Variants in PCDHGA10 observed in about 807,000 individuals in gnomAD.
The protein encoded by PCDHGA10 is protocadherin gamma subfamily A, 10, also known as protocadherin gamma-A10.
Under a neutral mutation model 59.5 loss-of-function variants are expected in PCDHGA10, and 42 were observed. That is an observed-to-expected ratio of 0.71 (90% CI 0.55 to 0.91). The LOEUF (loss-of-function observed/expected upper bound fraction) is 0.91, where lower values mean the gene tolerates loss of function less well. Among genes scored for constraint, PCDHGA10 ranks in the 40% least tolerant of loss-of-function variants. The pLI is 0.00. For synonymous variants in PCDHGA10, 511 were observed against 517.2 expected, an observed-to-expected ratio of 0.99 and a Z score of 0.16; for missense variants, 1,111 against 1,198.2, an observed-to-expected ratio of 0.93 and a Z score of 1.07.
At chr5:141,426,538 C>T (rs1038881219) in intron 1 of PCDHGA10, 2 of 346,308 alleles carry the variant, frequency 5.8e-6, no homozygotes, top group Non-Finnish European at 1.2e-5. Context: ...TGGGAACATA[C>T]TTGTGAGTGA....
chr5:141,415,392 G>T lies in PCDHGA10; in HGVS notation c.2217G>T (p.Val739=). ...LQASGGGLTG[V]SGSHFVGVDG... ...CTTCAGGAGGCGGCTTGACAGGTGTGTCCGGCTCGCACTTTGTGGGCGTGG... is the reference window on the plus strand; with the variant it reads ...CTTCAGGAGGCGGCTTGACAGGTGTTTCCGGCTCGCACTTTGTGGGCGTGG... The change falls in exon 1 of 4, where the codon GTG becomes GTT. Residue 739 remains valine, a synonymous_variant. Coordinates refer to ENST00000398610, the MANE Select transcript of PCDHGA10 (RefSeq NM_018913.3). 1 of 1,614,238 alleles carries T rather than the reference G, an allele frequency of 6.2e-7. No homozygotes were observed. The highest frequency in any genetic ancestry group is 8.5e-7 in the Non-Finnish European group (1 of 1,180,052).
In PCDHGA10 at chr5:141,415,309, G is replaced by C. The variant is rs199689792; in HGVS notation, c.2134G>C (p.Val712Leu). 3.4e-5 allele frequency: 55 copies of C among 1,614,098 alleles called. No homozygotes were observed. Among genetic ancestry groups the C allele is most frequent in the Middle Eastern group, 1.6e-4 (1 of 6,084 alleles). Residue 712 changes from valine to leucine, a missense_variant, in exon 1 of 4, where the codon GTC (valine) becomes CTC (leucine). Transcript: ENST00000398610. ...AAVSCVFLAF[V>L]IVLLAHRLRR... ...GGTCTCCTGCGTCTTCCTGGCCTTC[G>C]TCATCGTGCTGCTGGCGCACAGGCT...
chr5:141,476,179 T>C lies in PCDHGA10; in HGVS notation c.2437-18628T>C, dbSNP rs1283155400. 26 of 1,613,476 alleles carry C rather than the reference T, an allele frequency of 1.6e-5. No homozygotes were observed. The highest frequency in any genetic ancestry group is 2.0e-5 in the Non-Finnish European group (24 of 1,179,998). On this transcript the variant is annotated intron_variant, in intron 1 of 3. Transcript: ENST00000398610. This position sits in a 1 kb window ranked among gnomAD's most constrained non-coding sequence, Gnocchi z 7.6. Reference sequence around the variant, plus strand: ...CCGGGAGGGTAGTGGGAGTTTTGCTTCTGCTTGGTGCCTTGAACAAGGCTT... The same window carrying C: ...CCGGGAGGGTAGTGGGAGTTTTGCTCCTGCTTGGTGCCTTGAACAAGGCTT...
rs1434955829 is a variant in PCDHGA10, at chr5:141,431,361, A to G, written c.2436+15750A>G. 3 of 1,614,002 alleles carry G rather than the reference A, an allele frequency of 1.9e-6. No homozygotes were observed. The highest frequency in any genetic ancestry group is 2.5e-6 in the Non-Finnish European group (3 of 1,180,034). On this transcript the variant is annotated intron_variant, in intron 1 of 3. Transcript: ENST00000398610. The surrounding 1 kb of genome is among the most constrained non-coding windows in gnomAD (Gnocchi z 4.8). ...GAATTGGTGCTGAAACGCGCCCTGG[A>G]CCGCGAAGAAAAGGCTGCTCACCAC...
chr5:141,459,311 T>A (rs1298312167), intron 1 of PCDHGA10, among the ~76,000 whole-genome samples: 1 of 152,250 alleles, frequency 6.6e-6, no homozygotes, highest in Non-Finnish European at 1.5e-5. Flanking sequence ...TATACTATTT[T>A]GTATCCATCT....
chr5:141,500,184 T>TTTTA (rs58019021), intron 2 of PCDHGA10, among the ~76,000 whole-genome samples: 28,743 of 135,782 alleles, frequency 0.21, 3,285 homozygotes, highest in African/African-American at 0.3. Context: ...TCATTTTTAT[T>TTTTA]TTTATTTATT....
chr5:141,433,162 A>G, intron 1 of PCDHGA10: 1 of 1,613,890 alleles, frequency 6.2e-7, no homozygotes, highest in Non-Finnish European at 8.5e-7. Flanking sequence ...TATTTTCTAA[A>G]GACAGTCATG....
intron 1 of PCDHGA10, among the ~76,000 whole-genome samples, chr5:141,446,193 T>C (rs1402824950): frequency 6.6e-6 from 1 of 152,208 alleles, no homozygotes; most frequent in East Asian, 1.9e-4. Flanking sequence ...TTTATTATTA[T>C]ATTCCTAGGT....
At position 141,489,076 on chromosome 5, in the gene PCDHGA10, C is replaced by T. The variant is rs536134432; in HGVS notation, c.2437-5731C>T. The T allele has an allele frequency of 6.1e-6, 2 of 326,424 alleles. No individual in the cohort carries two copies. Among genetic ancestry groups the T allele is most frequent in the East Asian group, 5.8e-5 (1 of 17,220 alleles). 20.2% of individuals were successfully genotyped at this position (326,424 alleles called of 1,614,324 possible). On this transcript the variant is annotated intron_variant, in intron 1 of 3. Coordinates refer to ENST00000398610, the MANE Select transcript of PCDHGA10 (RefSeq NM_018913.3). The surrounding 1 kb of genome is among the most constrained non-coding windows in gnomAD (Gnocchi z 4.5). The stretch of plus-strand genomic sequence containing the variant: ...CAGCTCCCCTCCCCCCTGCCCACCC[C>T]CGCCACTCGGTGACTAAGAACTGCT...
chr5:141,490,322 A>C lies in PCDHGA10; in HGVS notation c.2437-4485A>C. ...GCCTCTTTGGCCAACCCTGTCCTAGAGAGCACACCAGTGGGCACAGTAGTG... is the reference window on the plus strand; with the variant it reads ...GCCTCTTTGGCCAACCCTGTCCTAGCGAGCACACCAGTGGGCACAGTAGTG... On this transcript the variant is annotated intron_variant, in intron 1 of 3. Coordinates refer to ENST00000398610, the MANE Select transcript of PCDHGA10 (RefSeq NM_018913.3). This position sits in a 1 kb window ranked among gnomAD's most constrained non-coding sequence, Gnocchi z 5.4. The C allele has an allele frequency of 6.2e-7, 1 of 1,614,232 alleles. No individual in the cohort carries two copies. Among genetic ancestry groups the C allele is most frequent in the Non-Finnish European group, 8.5e-7 (1 of 1,180,038 alleles).
At chr5:141,499,168 C>T (rs1169979036) in intron 2 of PCDHGA10, among the ~76,000 whole-genome samples, 3 of 152,184 alleles carry the variant, frequency 2.0e-5, no homozygotes, top group African/African-American at 7.2e-5. Context: ...GTCTCAAGCT[C>T]TGAGCCCAGC....
chr5:141,457,680 G>A lies in PCDHGA10; in HGVS notation c.2437-37127G>A, dbSNP rs866876250. 2.6e-5 allele frequency among the ~76,000 whole-genome samples: 4 copies of A among 152,290 alleles called. No individual in the cohort carries two copies. The South Asian group carries it at 8.3e-4, about 32-fold the overall frequency. On this transcript the variant is annotated intron_variant, in intron 1 of 3. Coordinates refer to ENST00000398610, the MANE Select transcript of PCDHGA10 (RefSeq NM_018913.3). The stretch of plus-strand genomic sequence containing the variant: ...AGCAAGAATGGTTATTTCTACATAG[G>A]ACTTTTGGATTGGCTTTGATGAAAC...
At chr5:141,437,660 G>A (rs1021986333) in intron 1 of PCDHGA10, among the ~76,000 whole-genome samples, 6 of 151,866 alleles carry the variant, frequency 4.0e-5, no homozygotes, top group Non-Finnish European at 5.9e-5. Flanking sequence ...ACATAGTTTC[G>A]AAGAGATGTT....
Position 141,490,348 on chromosome 5 carries a change from G to T in PCDHGA10, c.2437-4459G>T, listed in dbSNP as rs2099698964. On this transcript the variant is annotated intron_variant, in intron 1 of 3. Transcript: ENST00000398610. The surrounding 1 kb of genome is among the most constrained non-coding windows in gnomAD (Gnocchi z 5.4). ...GAGCACACCAGTGGGCACAGTAGTG[G>T]GGTTGTTTAATGTGCGAGACCGGGA... The T allele has an allele frequency of 1.2e-6, 2 of 1,614,080 alleles. No homozygotes were observed. The highest frequency in any genetic ancestry group is 3.3e-5 in the Admixed American group (2 of 60,018).
Position 141,485,365 on chromosome 5 carries a change from G to A in PCDHGA10, c.2437-9442G>A. 1 of 1,614,120 alleles carries A rather than the reference G, an allele frequency of 6.2e-7. No homozygotes were observed. Among genetic ancestry groups the A allele is most frequent in the Admixed American group, 1.7e-5 (1 of 60,018 alleles). ...CGGACAGTCTGTCAGCTCGCAGGCT[G>A]CAGGTCGCTGGAGAGGTGAACCAAA... On this transcript the variant is annotated intron_variant, in intron 1 of 3. Transcript: ENST00000398610. The surrounding 1 kb of genome is among the most constrained non-coding windows in gnomAD (Gnocchi z 5.7).
rs1165828230 is a variant in PCDHGA10, at chr5:141,511,464, C to T, written c.*291C>T. On this transcript the variant is annotated 3_prime_UTR_variant, in exon 4 of 4. Coordinates refer to ENST00000398610, the MANE Select transcript of PCDHGA10 (RefSeq NM_018913.3). ...ACACCAAGAACCATTTGCCACACCCCGTTTAGTTACAGCTGAACTCCTCCA... is the reference window on the plus strand; with the variant it reads ...ACACCAAGAACCATTTGCCACACCCTGTTTAGTTACAGCTGAACTCCTCCA... 9 of 538,254 alleles carry T rather than the reference C, an allele frequency of 1.7e-5. No individual in the cohort carries two copies. The highest frequency in any genetic ancestry group is 7.8e-5 in the East Asian group (2 of 25,720). 33.3% of individuals were successfully genotyped at this position (538,254 alleles called of 1,614,324 possible).
chr5:141,430,766 C>T, intron 1 of PCDHGA10: 1 of 1,504,534 alleles, frequency 6.6e-7, no homozygotes, highest in Non-Finnish European at 8.9e-7. Context: ...AAGAATGATT[C>T]CTGCGCGACT....
In PCDHGA10 at chr5:141,489,210, G is replaced by A; in HGVS notation, c.2437-5597G>A. ...TCTACCTTGGAGACAGGACAGCACAGACTTACTCTCCACAAAGGGACTTCT... is the reference window on the plus strand; with the variant it reads ...TCTACCTTGGAGACAGGACAGCACAAACTTACTCTCCACAAAGGGACTTCT... On this transcript the variant is annotated intron_variant, in intron 1 of 3. Coordinates refer to ENST00000398610, the MANE Select transcript of PCDHGA10 (RefSeq NM_018913.3). The surrounding 1 kb of genome is among the most constrained non-coding windows in gnomAD (Gnocchi z 4.5). 6 of 1,461,860 alleles carry A rather than the reference G, an allele frequency of 4.1e-6. No homozygotes were observed. Among genetic ancestry groups the A allele is most frequent in the Non-Finnish European group, 5.6e-6 (6 of 1,080,904 alleles). 90.6% of individuals were successfully genotyped at this position (1,461,860 alleles called of 1,614,324 possible). A position where few individuals can be genotyped will look rare whatever the true frequency, so the allele number is the denominator to read the frequency against.
chr5:141,461,269 TTC>T (rs1316205976), intron 1 of PCDHGA10, among the ~76,000 whole-genome samples: 4 of 152,186 alleles, frequency 2.6e-5, no homozygotes, highest in Admixed American at 2.0e-4. Flanking sequence ...TGTGTAAGTG[TTC>T]TCTTTTCCCC....
Sources: gnomAD v4.1 joint callset for allele counts (sites outside exome capture counted in the v4.1 genomes callset) on GRCh38, gnomAD v4.1.1 for gene constraint, Gnocchi (gnomAD v3.1) non-coding constraint, MANE v1.5 for transcripts, NCBI Gene and HGNC (gene_info 2026-07-23, HGNC 2026-07-21) for gene names.